CSNK1G3: variants seen among roughly 807,000 people sequenced by gnomAD.
CSNK1G3 encodes the protein casein kinase I isoform gamma-3.
CSNK1G3 carries 23 observed loss-of-function variants against 64.3 expected under a neutral mutation model. The observed-to-expected ratio is 0.36, with a 90% CI of 0.26 to 0.51. CSNK1G3 has a LOEUF of 0.51. Ranked by LOEUF, CSNK1G3 falls within the 20% of genes least tolerant of loss-of-function variation. CSNK1G3 has a pLI of 0.96. For missense variants in CSNK1G3, 357 were observed against 510.5 expected, an observed-to-expected ratio of 0.70 and a Z score of 2.90; for synonymous variants, 158 against 162.2, an observed-to-expected ratio of 0.97 and a Z score of 0.20.
chr5:123,522,232 G>C (rs184568458), intron 1 of CSNK1G3, among the ~76,000 whole-genome samples: 1 of 152,190 alleles, frequency 6.6e-6, no homozygotes, highest in Non-Finnish European at 1.5e-5. Context: ...CCAAGGATGG[G>C]CTGGGTGCTG....
intron 2 of CSNK1G3, among the ~76,000 whole-genome samples, chr5:123,547,766 TTATAA>T (rs1027073036): frequency 1.5e-4 from 23 of 152,124 alleles, no homozygotes; most frequent in African/African-American, 3.9e-4. Context: ...TTATGTATAC[TTATAA>T]TATGTACGCA....
chr5:123,549,717 A>G (rs535277658), intron 2 of CSNK1G3, among the ~76,000 whole-genome samples: 18 of 152,318 alleles, frequency 1.2e-4, no homozygotes, highest in South Asian at 2.1e-4. Flanking sequence ...CCTGTGTGGC[A>G]TGCGATGTGA....
chr5:123,521,727 G>A (rs914198114), intron 1 of CSNK1G3, among the ~76,000 whole-genome samples: 1 of 152,118 alleles, frequency 6.6e-6, no homozygotes, highest in Non-Finnish European at 1.5e-5. Flanking sequence ...TTTAAAGATA[G>A]TTCATGCAGT....
intron 4 of CSNK1G3, among the ~76,000 whole-genome samples, chr5:123,562,504 A>T (rs373472872): frequency 1.3e-5 from 2 of 152,054 alleles, no homozygotes; most frequent in South Asian, 4.1e-4. Flanking sequence ...TTAGATGTGA[A>T]GTTGGGATGT....
intron 4 of CSNK1G3, among the ~76,000 whole-genome samples, chr5:123,561,206 T>C (rs1216811544): frequency 6.6e-6 from 1 of 152,170 alleles, no homozygotes; most frequent in East Asian, 1.9e-4. Flanking sequence ...CTCTCTGGGA[T>C]AGCAAAAATT....
intron 2 of CSNK1G3, among the ~76,000 whole-genome samples, chr5:123,551,628 A>G (rs1783671153): frequency 6.6e-6 from 1 of 152,188 alleles, no homozygotes; most frequent in Non-Finnish European, 1.5e-5. Context: ...TGGCAACACA[A>G]CTGAAGCTGA....
At chr5:123,607,220 A>AT (rs1192768652) in intron 12 of CSNK1G3, among the ~76,000 whole-genome samples, 1 of 152,052 alleles carries the variant, frequency 6.6e-6, no homozygotes, top group Non-Finnish European at 1.5e-5. Context: ...TGGCCCATCT[A>AT]TTTTTGCAGC....
At chr5:123,614,344 G>A in exon 13 of CSNK1G3, 1 of 1,613,040 alleles carries the variant, frequency 6.2e-7, no homozygotes, top group Non-Finnish European at 8.5e-7. Context: ...ATCTGCAGGT[G>A]CTGCTGTTTT....
intron 1 of CSNK1G3, among the ~76,000 whole-genome samples, chr5:123,536,973 T>C (rs1302531168): frequency 6.6e-6 from 1 of 152,170 alleles, no homozygotes; most frequent in Non-Finnish European, 1.5e-5. Context: ...AGGGAACTCC[T>C]ATACACTGTT....
chr5:123,590,470 A>G (rs781285474), exon 9 of CSNK1G3: 2 of 1,532,576 alleles, frequency 1.3e-6, no homozygotes, highest in Non-Finnish European at 8.8e-7. Flanking sequence ...AAACCAGACT[A>G]TGACTACTTA....
At chr5:123,547,149 A>AT (rs1782672051) in intron 2 of CSNK1G3, among the ~76,000 whole-genome samples, 1 of 152,154 alleles carries the variant, frequency 6.6e-6, no homozygotes, top group African/African-American at 2.4e-5. Context: ...GACATTGATA[A>AT]TATGCTGGTA....
chr5:123,525,857 G>T (rs960102546), intron 1 of CSNK1G3, among the ~76,000 whole-genome samples: 2 of 151,724 alleles, frequency 1.3e-5, no homozygotes, highest in Non-Finnish European at 2.9e-5. Context: ...AATTAGTCGG[G>T]CGTGGTGGCG....
intron 9 of CSNK1G3, among the ~76,000 whole-genome samples, chr5:123,591,009 A>G (rs1792244707): frequency 6.6e-6 from 1 of 152,064 alleles, no homozygotes; most frequent in Admixed American, 6.6e-5. Context: ...GCATAAACAT[A>G]TACATTTTTA....
chr5:123,543,734 G>A (rs1782063019), intron 1 of CSNK1G3, among the ~76,000 whole-genome samples: 2 of 152,108 alleles, frequency 1.3e-5, no homozygotes, highest in South Asian at 4.1e-4. Context: ...TTTATTTGAT[G>A]CTTAAAAACA....
intron 6 of CSNK1G3, among the ~76,000 whole-genome samples, chr5:123,578,886 A>G (rs527498777): frequency 6.6e-6 from 1 of 152,126 alleles, no homozygotes; most frequent in South Asian, 2.1e-4. Context: ...TCTAGATTAC[A>G]TTTGCCACAT....
In CSNK1G3 at chr5:123,576,874, T is replaced by C. The variant is rs185656896; in HGVS notation, c.673+911T>C. ...TTTTGCCCTCTAGATTTAGCATCCATTGATGATTTTCTAACTCCATTATTT... is the reference window on the plus strand; with the variant it reads ...TTTTGCCCTCTAGATTTAGCATCCACTGATGATTTTCTAACTCCATTATTT... On this transcript the variant is annotated intron_variant, in intron 6 of 12. Transcript: ENST00000345990. Among the ~76,000 whole-genome samples the C allele has an allele frequency of 1.4e-3, 207 of 152,236 alleles. 2 individuals are homozygous for C. The highest frequency in any genetic ancestry group is 4.8e-3 in the African/African-American group (201 of 41,566).
chr5:123,529,804 G>C (rs1464495844), intron 1 of CSNK1G3, among the ~76,000 whole-genome samples: 1 of 151,944 alleles, frequency 6.6e-6, no homozygotes, highest in African/African-American at 2.4e-5. Flanking sequence ...TGCTTTTCTG[G>C]GTTTAGGTAC....
At chr5:123,521,094 C>T (rs1402181448) in intron 1 of CSNK1G3, among the ~76,000 whole-genome samples, 1 of 151,892 alleles carries the variant, frequency 6.6e-6, no homozygotes, top group Admixed American at 6.6e-5. Flanking sequence ...CAAAAATAGT[C>T]TAGTATTGTT....
intron 6 of CSNK1G3, among the ~76,000 whole-genome samples, chr5:123,581,080 G>C (rs534784209): frequency 6.6e-6 from 1 of 151,754 alleles, no homozygotes; most frequent in African/African-American, 2.4e-5. Flanking sequence ...TCTTTAAGCT[G>C]CTCACACAGC....
Sources: gnomAD v4.1 joint callset for allele counts (sites outside exome capture counted in the v4.1 genomes callset) on GRCh38, gnomAD v4.1.1 for gene constraint, MANE v1.5 for transcripts, NCBI Gene and HGNC (gene_info 2026-07-23, HGNC 2026-07-21) for gene names.